CAMK1D: variants seen among roughly 807,000 people sequenced by gnomAD.
CAMK1D encodes the protein calcium/calmodulin-dependent protein kinase type 1D.
In CAMK1D, 9 loss-of-function variants were observed where a neutral mutation model predicts 47.7. The observed-to-expected ratio is 0.19, with a 90% CI of 0.11 to 0.33. The LOEUF is 0.33. Among genes scored for constraint, CAMK1D ranks in the 10% least tolerant of loss-of-function variants. The pLI is 1.00. For synonymous variants in CAMK1D, 184 were observed against 184.9 expected (o/e 0.99, Z 0.04); for missense variants, 291 against 488.7 (o/e 0.60, Z 3.81).
intron 1 of CAMK1D, among the ~76,000 whole-genome samples, chr10:12,360,083 C>G (rs1241863925): frequency 1.3e-5 from 2 of 152,158 alleles, no homozygotes; most frequent in Non-Finnish European, 2.9e-5. Context: ...ACTGGTGCCT[C>G]TATCACAGGC....
chr10:12,699,724 C>T lies in CAMK1D; in HGVS notation c.299+32914C>T, dbSNP rs115919928. Among the ~76,000 whole-genome samples, 1,175 of 151,064 alleles carry T rather than the reference C, an allele frequency of 7.8e-3. 20 individuals are homozygous for T. The highest frequency in any genetic ancestry group is 0.027 in the African/African-American group (1,115 of 41,144). Reference sequence around the variant, plus strand: ...GGTTTGCCGCCGTGGACTTCATCTTCCACATCAACTTGTTAAAACAAGTTA... The same window carrying T: ...GGTTTGCCGCCGTGGACTTCATCTTTCACATCAACTTGTTAAAACAAGTTA... On this transcript the variant is annotated intron_variant, in intron 3 of 10. Transcript: ENST00000619168.
intron 3 of CAMK1D, among the ~76,000 whole-genome samples, chr10:12,736,252 G>A (rs552237352): frequency 2.6e-5 from 4 of 152,218 alleles, no homozygotes; most frequent in South Asian, 2.1e-4. Flanking sequence ...CTGTTATGGC[G>A]TGGCCCTGCC....
chr10:12,526,897 C>CAAAA (rs202209844), intron 1 of CAMK1D, among the ~76,000 whole-genome samples: 25,465 of 129,522 alleles, frequency 0.2, 3,060 homozygotes, highest in South Asian at 0.26. Flanking sequence ...AACCCTATCT[C>CAAAA]AAAAAAAAAA....
intron 3 of CAMK1D, among the ~76,000 whole-genome samples, chr10:12,693,082 A>T (rs1379613011): frequency 6.6e-6 from 1 of 152,120 alleles, no homozygotes; most frequent in Non-Finnish European, 1.5e-5. Flanking sequence ...AGCAAAGACT[A>T]GCTGGGCTTG....
At chr10:12,378,897 C>T (rs2131869461) in intron 1 of CAMK1D, among the ~76,000 whole-genome samples, 1 of 151,680 alleles carries the variant, frequency 6.6e-6, no homozygotes, top group East Asian at 1.9e-4. Flanking sequence ...GCAACCTTCG[C>T]CTCCTGGGTT....
intron 2 of CAMK1D, among the ~76,000 whole-genome samples, chr10:12,576,950 G>A (rs957464812): frequency 5.9e-5 from 9 of 152,136 alleles, no homozygotes; most frequent in Non-Finnish European, 1.0e-4. Context: ...ACATCTCTGC[G>A]AGTGACACAG....
intron 1 of CAMK1D, among the ~76,000 whole-genome samples, chr10:12,518,299 T>C (rs907891552): frequency 1.3e-5 from 2 of 152,246 alleles, no homozygotes; most frequent in Admixed American, 6.5e-5. Flanking sequence ...GGAATAGTTA[T>C]GACAGAGACC....
At chr10:12,768,648 G>A (rs955320165) in intron 4 of CAMK1D, among the ~76,000 whole-genome samples, 9 of 151,822 alleles carry the variant, frequency 5.9e-5, no homozygotes, top group Non-Finnish European at 1.2e-4. Context: ...GTCTCCCCCC[G>A]TGATAAATCG....
rs183072363 is a variant in CAMK1D, at chr10:12,412,578, G to A, written c.92+62668G>A. On this transcript the variant is annotated intron_variant, in intron 1 of 10. Transcript: ENST00000619168. Reference sequence around the variant, plus strand: ...GCGGAGGTTGCAGTGAGCCGAGATCGTGTCACTGCACTCCAGCCTGGGCAA... The same window carrying A: ...GCGGAGGTTGCAGTGAGCCGAGATCATGTCACTGCACTCCAGCCTGGGCAA... Among the ~76,000 whole-genome samples, 63 of 148,664 alleles carry A rather than the reference G, an allele frequency of 4.2e-4. 3 individuals carry two copies. In the East Asian group the frequency reaches 0.012, roughly 29 times the overall value.
chr10:12,432,883 G>A (rs1405004919), intron 1 of CAMK1D, among the ~76,000 whole-genome samples: 3 of 152,064 alleles, frequency 2.0e-5, no homozygotes, highest in Non-Finnish European at 4.4e-5. Flanking sequence ...GTGCCGTCTC[G>A]GCAATGGGAG....
intron 2 of CAMK1D, among the ~76,000 whole-genome samples, chr10:12,575,486 G>T (rs1792289171): frequency 6.6e-6 from 1 of 152,166 alleles, no homozygotes. Context: ...CCCTTGGTTT[G>T]TCTCTCACTT....
chr10:12,462,321 G>A (rs745888901), intron 1 of CAMK1D, among the ~76,000 whole-genome samples: 6 of 151,554 alleles, frequency 4.0e-5, no homozygotes, highest in African/African-American at 9.7e-5. Context: ...ACGCGCCACC[G>A]TGGCCAGCTA....
intron 1 of CAMK1D, among the ~76,000 whole-genome samples, chr10:12,403,785 G>T (rs895676106): frequency 6.6e-6 from 1 of 151,836 alleles, no homozygotes; most frequent in Non-Finnish European, 1.5e-5. Flanking sequence ...ACTTCTAAGT[G>T]TGTTTTTTCC....
chr10:12,582,071 C>T (rs556447958), intron 2 of CAMK1D, among the ~76,000 whole-genome samples: 73 of 152,044 alleles, frequency 4.8e-4, no homozygotes, highest in Middle Eastern at 3.4e-3. Context: ...TTGTATAAAG[C>T]GAGGGATGAG....
chr10:12,570,462 T>C (rs1213912860), intron 2 of CAMK1D, among the ~76,000 whole-genome samples: 1 of 151,986 alleles, frequency 6.6e-6, no homozygotes, highest in Non-Finnish European at 1.5e-5. Flanking sequence ...GTGGATCACC[T>C]GAGGTCAGGA....
chr10:12,366,645 C>T (rs772141876), intron 1 of CAMK1D, among the ~76,000 whole-genome samples: 4 of 151,396 alleles, frequency 2.6e-5, no homozygotes, highest in Admixed American at 6.6e-5. Flanking sequence ...GGTGACACAG[C>T]GAGACTATGT....
intron 1 of CAMK1D, among the ~76,000 whole-genome samples, chr10:12,496,952 A>G (rs1000688413): frequency 1.3e-5 from 2 of 152,124 alleles, no homozygotes; most frequent in African/African-American, 4.8e-5. Flanking sequence ...GTGTGTTCGC[A>G]TAGTTCAGCT....
intron 4 of CAMK1D, among the ~76,000 whole-genome samples, chr10:12,768,974 A>G (rs527379914): frequency 9.2e-5 from 14 of 152,342 alleles, no homozygotes; most frequent in African/African-American, 2.2e-4. Flanking sequence ...AAGAAATGGA[A>G]GAAGGCCTTT....
intron 5 of CAMK1D, among the ~76,000 whole-genome samples, chr10:12,785,968 T>G (rs1837707601): frequency 6.6e-6 from 1 of 152,210 alleles, no homozygotes; most frequent in South Asian, 2.1e-4. Context: ...TGGCCCGGTT[T>G]GGCCACCATA....
Sources: allele counts gnomAD v4.1 joint callset (sites outside exome capture counted in the v4.1 genomes callset), GRCh38; gene constraint gnomAD v4.1.1; transcripts MANE v1.5; gene names NCBI Gene and HGNC (gene_info 2026-07-23, HGNC 2026-07-21).